The following AKAP5 variants were observed in gnomAD, a reference collection of about 807,000 sequenced individuals.
AKAP5 encodes A-kinase anchoring protein 5.
A neutral mutation model predicts 13.8 loss-of-function variants in AKAP5; 5 were observed. That is an observed-to-expected ratio of 0.36 (90% CI 0.19 to 0.76). The LOEUF (loss-of-function observed/expected upper bound fraction) is 0.76, where lower values mean the gene tolerates loss of function less well. Among genes scored for constraint, AKAP5 ranks in the 30% least tolerant of loss-of-function variants. The probability of loss-of-function intolerance (pLI) is 0.51; values close to 1 mark genes in which losing one functional copy is unlikely to be tolerated. For synonymous variants in AKAP5, 148 were observed against 167.2 expected (o/e 0.89, Z 0.89); for missense variants, 406 against 484.4 (o/e 0.84, Z 1.52).
Position 64,468,616 on chromosome 14 carries a change from C to T in AKAP5, c.222C>T (p.Pro74=), listed in dbSNP as rs1408960857. 6 of 1,613,862 alleles carry T rather than the reference C, an allele frequency of 3.7e-6. 1 individual carries two copies. The South Asian group carries it at 6.6e-5, about 18-fold the overall frequency. Residue 74 remains proline (P), a synonymous_variant, in exon 2 of 2, where the codon CCC becomes CCT. Transcript: ENST00000394718. Reference sequence around the variant, plus strand: ...CAGGAGCTTCTGATCAGCCAGAGCCCACACGGGGGGCCTGGGCCTCACTCA... The same window carrying T: ...CAGGAGCTTCTGATCAGCCAGAGCCTACACGGGGGGCCTGGGCCTCACTCA... ...QEAGASDQPE[P]TRGAWASLKR...
Position 64,471,560 on chromosome 14 carries a change from TA to T in AKAP5, c.*1883del, listed in dbSNP as rs942958522. 6 of 167,110 alleles carry T rather than the reference TA, an allele frequency of 3.6e-5. No individual in the cohort carries two copies. Among genetic ancestry groups the T allele is most frequent in the African/African-American group, 1.2e-4 (5 of 41,462 alleles). The allele number at this position is 167,110 out of a possible 1,614,324, so 10.4% of individuals were successfully genotyped here. ...CATCTGATCTCATCAATGATTGCCA[TA>T]TTTTTTGAAAAAGTAATCCTATTTC... On this transcript the variant is annotated 3_prime_UTR_variant, in exon 2 of 2. Coordinates refer to ENST00000394718, the MANE Select transcript of AKAP5 (RefSeq NM_004857.3).
rs755720002 is a variant in AKAP5 at position 64,472,595 on chromosome 14, A to G, written c.*2917A>G. 6 of 166,992 alleles carry G rather than the reference A, an allele frequency of 3.6e-5. No individual in the cohort carries two copies. Among genetic ancestry groups the G allele is most frequent in the Non-Finnish European group, 7.3e-5 (5 of 68,080 alleles). The allele number at this position is 166,992 out of a possible 1,614,324, so 10.3% of individuals were successfully genotyped here. ...ATTCTTAAGAGGTTTCTGTTTTTCTATTGAGAATATCTGTTGAATTAAGTA... is the reference window on the plus strand; with the variant it reads ...ATTCTTAAGAGGTTTCTGTTTTTCTGTTGAGAATATCTGTTGAATTAAGTA... On this transcript the variant is annotated 3_prime_UTR_variant, in exon 2 of 2. Transcript: ENST00000394718.
In AKAP5 at chr14:64,469,430, G is replaced by C. The variant is rs2078644732; in HGVS notation, c.1036G>C (p.Glu346Gln). 1 of 1,613,044 alleles carries C rather than the reference G, an allele frequency of 6.2e-7. No individual in the cohort carries two copies. Among genetic ancestry groups the C allele is most frequent in the South Asian group, 1.1e-5 (1 of 90,692 alleles). Reference sequence around the variant, plus strand: ...AATTGCTATTATTATTACAGACACTGAAATCAGTGAATTTGATGTTACAAA... The same window carrying C: ...AATTGCTATTATTATTACAGACACTCAAATCAGTGAATTTGATGTTACAAA... ...EPIAIIITDT[E>Q]ISEFDVTKSK... The change falls in exon 2 of 2, where the codon GAA becomes CAA. Residue 346 changes from glutamate to glutamine, a missense_variant. Coordinates refer to ENST00000394718, the MANE Select transcript of AKAP5 (RefSeq NM_004857.3).
chr14:64,469,162 C>T lies in AKAP5; in HGVS notation c.768C>T (p.Asp256=), dbSNP rs1330450032. The T allele has an allele frequency of 3.1e-6, 5 of 1,614,102 alleles. No individual in the cohort carries two copies. In the Admixed American group the frequency reaches 5.0e-5, roughly 16 times the overall value. Residue 256 remains aspartate (D), a synonymous_variant, in exon 2 of 2, where the codon GAC becomes GAT. Transcript: ENST00000394718. ...GCCCACTTGAAACTTCAGAAACAGA[C>T]CATCAGCAGCCAGTACTTTCTGATG... is the stretch of plus-strand genomic sequence containing the variant. ...QASPLETSET[D]HQQPVLSDVP...
At position 64,468,442 on chromosome 14, in the gene AKAP5, G is replaced by A. The variant is rs201096516; in HGVS notation, c.48G>A (p.Lys16=). ...SEIHVENKDE[K]RSAEGSPGAE... ...TTCATGTAGAAAACAAGGATGAGAA[G>A]AGATCAGCAGAAGGTAGTCCTGGGG... The change falls in exon 2 of 2, where the codon AAG becomes AAA. Residue 16 remains lysine, a synonymous_variant. Coordinates refer to ENST00000394718, the MANE Select transcript of AKAP5 (RefSeq NM_004857.3). The A allele has an allele frequency of 1.4e-5, 23 of 1,613,572 alleles. No homozygotes were observed. The highest frequency in any genetic ancestry group is 1.8e-5 in the Non-Finnish European group (21 of 1,179,892).
rs1453113191 is a variant in AKAP5, at chr14:64,471,668, C to G, written c.*1990C>G. ...GTTAGGATTCAAAGTGTGTATTCCC[C>G]CATTGTGTAAATTGAGTGATTGTGT... On this transcript the variant is annotated 3_prime_UTR_variant, in exon 2 of 2. Transcript: ENST00000394718. 6.0e-6 allele frequency: 1 copy of G among 166,902 alleles called. No homozygotes were observed. The highest frequency in any genetic ancestry group is 2.4e-5 in the African/African-American group (1 of 41,374). 10.3% of individuals were successfully genotyped at this position (166,902 alleles called of 1,614,324 possible). A position where few individuals can be genotyped will look rare whatever the true frequency, so the allele number is the denominator to read the frequency against.
In AKAP5 at chr14:64,469,255, T is replaced by C; in HGVS notation, c.861T>C (p.Ser287=). 1 of 1,613,696 alleles carries C rather than the reference T, an allele frequency of 6.2e-7. No individual in the cohort carries two copies. Among genetic ancestry groups the C allele is most frequent in the Non-Finnish European group, 8.5e-7 (1 of 1,179,974 alleles). The change falls in exon 2 of 2, where the codon AGT becomes AGC. Residue 287 remains serine (S), a synonymous_variant. Coordinates refer to ENST00000394718, the MANE Select transcript of AKAP5 (RefSeq NM_004857.3). ...VEEASNSTLE[S]APNGKDYEST... ...AAGCCAGTAACAGTACCCTAGAAAG[T>C]GCACCAAATGGAAAAGACTATGAAA...
Position 64,468,658 on chromosome 14 carries a change from C to G in AKAP5, c.264C>G (p.Arg88=), listed in dbSNP as rs781706034. 8 of 1,613,938 alleles carry G rather than the reference C, an allele frequency of 5.0e-6. No homozygotes were observed. The Admixed American group carries it at 1.0e-4, about 20-fold the overall frequency. ...CCTCACTCAAACGTCTTGTAACACG[C>G]AGGAAAAGGTCAGAGTCTTCAAAGC... ...AWASLKRLVT[R]RKRSESSKQQ... is the part of the protein sequence containing the mutation. The change falls in exon 2 of 2, where the codon CGC becomes CGG. Residue 88 remains arginine (R), a synonymous_variant. Transcript: ENST00000394718.
In AKAP5 at chr14:64,472,366, T is replaced by C. The variant is rs968683569; in HGVS notation, c.*2688T>C. On this transcript the variant is annotated 3_prime_UTR_variant, in exon 2 of 2. Transcript: ENST00000394718. ...TAATCTCATGAACAAGCAAAAAGTA[T>C]AGTACTTAGCAGTTATTGGAAATAT... 2 of 167,060 alleles carry C rather than the reference T, an allele frequency of 1.2e-5. No homozygotes were observed. Among genetic ancestry groups the C allele is most frequent in the African/African-American group, 2.4e-5 (1 of 41,448 alleles). The allele number at this position is 167,060 out of a possible 1,614,324, so 10.3% of individuals were successfully genotyped here.
At position 64,469,152 on chromosome 14, in the gene AKAP5, C is replaced by T. The variant is rs1412059309; in HGVS notation, c.758C>T (p.Ser253Leu). The change falls in exon 2 of 2, where the codon TCA (serine) becomes TTA (leucine). Residue 253 changes from serine (S) to leucine (L), a missense_variant. Physicochemically the swap from Ser to Leu is moderately radical, Grantham distance 145. Transcript: ENST00000394718. The part of the protein sequence containing the change: ...QPQQASPLET[S>L]ETDHQQPVLS... The stretch of plus-strand genomic sequence containing the variant: ...CAGCAAGCAAGCCCACTTGAAACTT[C>T]AGAAACAGACCATCAGCAGCCAGTA... 6.2e-7 allele frequency: 1 copy of T among 1,614,110 alleles called. No homozygotes were observed. Among genetic ancestry groups the T allele is most frequent in the South Asian group, 1.1e-5 (1 of 91,086 alleles).
At position 64,469,092 on chromosome 14, in the gene AKAP5, T is replaced by C. The variant is rs1276381982; in HGVS notation, c.698T>C (p.Ile233Thr). 3 of 1,613,944 alleles carry C rather than the reference T, an allele frequency of 1.9e-6. No homozygotes were observed. Among genetic ancestry groups the C allele is most frequent in the East Asian group, 2.2e-5 (1 of 44,886 alleles). The part of the protein sequence containing the change: ...IQTGTLILEE[I>T]ETIKEKQDVQ... ...ACGGGAACTCTAATCCTTGAAGAAA[T>C]TGAAACGATCAAGGAAAAACAAGAT... The change falls in exon 2 of 2, where the codon ATT (isoleucine) becomes ACT (threonine). Residue 233 changes from isoleucine to threonine, a missense_variant. Transcript: ENST00000394718.
At chr14:64,467,902 T>C (rs1274827932) in intron 1 of AKAP5, 1 of 152,358 alleles carries the variant, frequency 6.6e-6, no homozygotes, top group Non-Finnish European at 1.5e-5. Context: ...ATATCAGACT[T>C]GCAGGGTAAT....
At position 64,473,950 on chromosome 14, in the gene AKAP5, A is replaced by G. The variant is rs974325660; in HGVS notation, c.*4272A>G. ...ATGCTCCTTAGTTACAAAAATTAGA[A>G]GGAAGCTACATAAAATTCAGGTGTC... On this transcript the variant is annotated 3_prime_UTR_variant, in exon 2 of 2. Transcript: ENST00000394718. 17 of 166,814 alleles carry G rather than the reference A, an allele frequency of 1.0e-4. No homozygotes were observed. Among genetic ancestry groups the G allele is most frequent in the East Asian group, 1.9e-4 (1 of 5,212 alleles). 10.3% of individuals were successfully genotyped at this position (166,814 alleles called of 1,614,324 possible). A position where few individuals can be genotyped will look rare whatever the true frequency, so the allele number is the denominator to read the frequency against.
Position 64,472,948 on chromosome 14 carries a change from A to G in AKAP5, c.*3270A>G, listed in dbSNP as rs1478954382. 4.2e-5 allele frequency: 7 copies of G among 166,936 alleles called. No individual in the cohort carries two copies. The highest frequency in any genetic ancestry group is 1.0e-4 in the Non-Finnish European group (7 of 68,078). The allele number at this position is 166,936 out of a possible 1,614,324, so 10.3% of individuals were successfully genotyped here. On this transcript the variant is annotated 3_prime_UTR_variant, in exon 2 of 2. Coordinates refer to ENST00000394718, the MANE Select transcript of AKAP5 (RefSeq NM_004857.3). Reference sequence around the variant, plus strand: ...GTGGTATAAATTCTGCTTTTAATGAATGTTTATTTATTTATTAGCCAAAAT... The same window carrying G: ...GTGGTATAAATTCTGCTTTTAATGAGTGTTTATTTATTTATTAGCCAAAAT...
In AKAP5 at chr14:64,469,754, C is replaced by A; in HGVS notation, c.*76C>A. 1.8e-6 allele frequency: 2 copies of A among 1,082,136 alleles called. No homozygotes were observed. Among genetic ancestry groups the A allele is most frequent in the Non-Finnish European group, 2.6e-6 (2 of 755,564 alleles). The allele number at this position is 1,082,136 out of a possible 1,614,324, so 67.0% of individuals were successfully genotyped here. ...TTATACATTTGTGGCATTTCTTACT[C>A]AGTAACAAATGAGAGATTTATCATC... On this transcript the variant is annotated 3_prime_UTR_variant, in exon 2 of 2. Transcript: ENST00000394718.
Position 64,468,603 on chromosome 14 carries a change from A to G in AKAP5, c.209A>G (p.Asp70Gly). 1 of 1,613,890 alleles carries G rather than the reference A, an allele frequency of 6.2e-7. No individual in the cohort carries two copies. Among genetic ancestry groups the G allele is most frequent in the Non-Finnish European group, 8.5e-7 (1 of 1,180,014 alleles). ...RKCPQEAGASDQPEPTRGAWA... is the reference protein window; with the variant it reads ...RKCPQEAGASGQPEPTRGAWA... ...TGTCCACAAGAAGCAGGAGCTTCTG[A>G]TCAGCCAGAGCCCACACGGGGGGCC... The change falls in exon 2 of 2, where the codon GAT becomes GGT. Residue 70 changes from aspartate to glycine, a missense_variant. Coordinates refer to ENST00000394718, the MANE Select transcript of AKAP5 (RefSeq NM_004857.3).
chr14:64,472,675 T>A lies in AKAP5; in HGVS notation c.*2997T>A, dbSNP rs1596593648. ...ATTAACTGGTCTCAATCTGATTATA[T>A]GTGCTACATGGCCAAATCCTATTAC... On this transcript the variant is annotated 3_prime_UTR_variant, in exon 2 of 2. Transcript: ENST00000394718. The A allele has an allele frequency of 6.0e-6, 1 of 166,998 alleles. No homozygotes were observed. The highest frequency in any genetic ancestry group is 2.4e-5 in the African/African-American group (1 of 41,474). The allele number at this position is 166,998 out of a possible 1,614,324, so 10.3% of individuals were successfully genotyped here. A position where few individuals can be genotyped will look rare whatever the true frequency, so the allele number is the denominator to read the frequency against.
Position 64,472,025 on chromosome 14 carries a change from C to T in AKAP5, c.*2347C>T, listed in dbSNP as rs775389394. 6.0e-6 allele frequency: 1 copy of T among 166,246 alleles called. No homozygotes were observed. Among genetic ancestry groups the T allele is most frequent in the Non-Finnish European group, 1.5e-5 (1 of 68,066 alleles). 10.3% of individuals were successfully genotyped at this position (166,246 alleles called of 1,614,324 possible). ...TTTTCCTACCTTCATGCTTATAATC[C>T]GGGGAGGAGGGTGGAAATCCTGAGC... On this transcript the variant is annotated 3_prime_UTR_variant, in exon 2 of 2. Coordinates refer to ENST00000394718, the MANE Select transcript of AKAP5 (RefSeq NM_004857.3).
chr14:64,466,236 G>C (rs1032632495), intron 1 of AKAP5, among the ~76,000 whole-genome samples: 3 of 152,244 alleles, frequency 2.0e-5, no homozygotes, highest in Non-Finnish European at 4.4e-5. Flanking sequence ...TGCTGGTTAA[G>C]AGCGAATCAT....
Sources: allele counts gnomAD v4.1 joint callset (sites outside exome capture counted in the v4.1 genomes callset), GRCh38; gene constraint gnomAD v4.1.1; transcripts MANE v1.5; gene names NCBI Gene and HGNC (gene_info 2026-07-23, HGNC 2026-07-21).